BPIFB6: variants seen among roughly 807,000 people sequenced by gnomAD.
BPIFB6 encodes BPI fold containing family B member 6.
A neutral mutation model predicts 54.7 loss-of-function variants in BPIFB6; 47 were observed. The observed-to-expected ratio is 0.86, with a 90% CI of 0.68 to 1.10. BPIFB6 has a LOEUF of 1.10. Ranked by LOEUF, BPIFB6 falls within the 50% of genes least tolerant of loss-of-function variation. The pLI is 0.00. For synonymous variants in BPIFB6, 255 were observed against 225.9 expected (o/e 1.13, Z -1.16); for missense variants, 603 against 564.1 (o/e 1.07, Z -0.70).
At position 33,041,980 on chromosome 20, in the gene BPIFB6, T is replaced by C; in HGVS notation, c.1153T>C (p.Leu385=). The C allele has an allele frequency of 6.2e-7, 1 of 1,614,178 alleles. No homozygotes were observed. The highest frequency in any genetic ancestry group is 8.5e-7 in the Non-Finnish European group (1 of 1,180,024). Residue 385 remains leucine (L), a synonymous_variant, in exon 12 of 15, where the codon TTG becomes CTG. Coordinates refer to ENST00000349552, the MANE Select transcript of BPIFB6 (RefSeq NM_174897.2). ...MATSLDRLLS[L]SRKSSSIGNF... is the part of the protein sequence containing the mutation. Reference sequence around the variant, plus strand: ...CCCACTCCCCCACAGATTACTGAGCTTGTCCCGGAAGTCCTCATCGATTGG... The same window carrying C: ...CCCACTCCCCCACAGATTACTGAGCCTGTCCCGGAAGTCCTCATCGATTGG...
chr20:33,032,069 C>T (rs1022328434), intron 1 of BPIFB6, among the ~76,000 whole-genome samples: 1 of 152,198 alleles, frequency 6.6e-6, no homozygotes, highest in African/African-American at 2.4e-5. Context: ...ATCCCAGCAA[C>T]AACTTGCTGT....
chr20:33,038,432 C>A (rs1201322177), intron 8 of BPIFB6, among the ~76,000 whole-genome samples: 1 of 152,136 alleles, frequency 6.6e-6, no homozygotes, highest in Non-Finnish European at 1.5e-5. Flanking sequence ...CCCATCCACT[C>A]ATCCTCCTAT....
chr20:33,042,309 T>C (rs143534522), intron 12 of BPIFB6, among the ~76,000 whole-genome samples: 54 of 152,348 alleles, frequency 3.5e-4, no homozygotes, highest in African/African-American at 1.3e-3. Context: ...TTATTTTTAT[T>C]AGTCTCTGTA....
chr20:33,038,307 T>C (rs1979432396), intron 8 of BPIFB6, among the ~76,000 whole-genome samples: 1 of 152,124 alleles, frequency 6.6e-6, no homozygotes, highest in African/African-American at 2.4e-5. Flanking sequence ...GATCTATCCA[T>C]TCATCTTCCC....
In BPIFB6 at chr20:33,032,588, C is replaced by A. The variant is rs147583363; in HGVS notation, c.98-396C>A. Among the ~76,000 whole-genome samples, 1,459 of 152,302 alleles carry A rather than the reference C, an allele frequency of 9.6e-3. 14 individuals are homozygous for A. The highest frequency in any genetic ancestry group is 0.013 in the Non-Finnish European group (893 of 68,020). On this transcript the variant is annotated intron_variant, in intron 1 of 14. Transcript: ENST00000349552. ...TGTCGTGTCTGTCCTCACCCTCCAGCCATGCTGAATCTATCCTCTTCCCCC... is the reference window on the plus strand; with the variant it reads ...TGTCGTGTCTGTCCTCACCCTCCAGACATGCTGAATCTATCCTCTTCCCCC...
At position 33,042,866 on chromosome 20, in the gene BPIFB6, C is replaced by T. The variant is rs1415697016; in HGVS notation, c.1240C>T (p.Pro414Ser). The T allele has an allele frequency of 6.2e-7, 1 of 1,614,068 alleles. No individual in the cohort carries two copies. Among genetic ancestry groups the T allele is most frequent in the South Asian group, 1.1e-5 (1 of 91,076 alleles). The change falls in exon 13 of 15, where the codon CCA (proline) becomes TCA (serine). Residue 414 changes from proline to serine, a missense_variant. By Grantham distance (74) the Pro-to-Ser change is moderately conservative. Transcript: ENST00000349552. ...ITSYLEEAYI[P>S]VVNDVLQVGL... ...CAGCTATCTCGAAGAAGCCTACATCCCAGTTGTCAATGGTGAGGGTTCCAA... is the reference window on the plus strand; with the variant it reads ...CAGCTATCTCGAAGAAGCCTACATCTCAGTTGTCAATGGTGAGGGTTCCAA...
At chr20:33,037,797 CT>C in intron 8 of BPIFB6, 59 bp downstream of exon 8, 2 of 1,561,370 alleles carry the variant, frequency 1.3e-6, no homozygotes. Flanking sequence ...CAGTCCCTGC[CT>C]AGTTTTTCTA....
rs73256634 is a variant in BPIFB6 at position 33,036,997 on chromosome 20, C to T, written c.669+461C>T. On this transcript the variant is annotated intron_variant, in intron 7 of 14. Coordinates refer to ENST00000349552, the MANE Select transcript of BPIFB6 (RefSeq NM_174897.2). The stretch of plus-strand genomic sequence containing the variant: ...CCCACCACTCTCACCTCACCCTCAC[C>T]CAGTTGTATCCTGCCATTTTGCGGA... Among the ~76,000 whole-genome samples, 825 of 152,226 alleles carry T rather than the reference C, an allele frequency of 5.4e-3. 5 individuals carry two copies. The highest frequency in any genetic ancestry group is 0.019 in the African/African-American group (777 of 41,538).
intron 10 of BPIFB6, 42 bp from the exon 11 acceptor site, chr20:33,040,209 G>A (rs1382752414): frequency 6.3e-7 from 1 of 1,588,016 alleles, no homozygotes; most frequent in Non-Finnish European, 8.6e-7. Context: ...CTGATGGTGG[G>A]GAACCCACTG....
At chr20:33,035,288 A>G in intron 5 of BPIFB6, 144 bp downstream of exon 5, 2 of 830,274 alleles carry the variant, frequency 2.4e-6, no homozygotes, top group South Asian at 1.6e-5. Flanking sequence ...GCTCAGTGGA[A>G]GAAAGTGCCA....
In BPIFB6 at chr20:33,033,088, G is replaced by A; in HGVS notation, c.197+5G>A. On this transcript the variant is annotated splice_donor_5th_base_variant and intron_variant, in intron 2 of 14. Coordinates refer to ENST00000349552, the MANE Select transcript of BPIFB6 (RefSeq NM_174897.2). The stretch of plus-strand genomic sequence containing the variant: ...ACCTATCAAGGGCATCACCAAGTGA[G>A]TAGGGGAGGGGAGCTGGAGGGTGGT... 2 of 1,609,354 alleles carry A rather than the reference G, an allele frequency of 1.2e-6. No homozygotes were observed. The highest frequency in any genetic ancestry group is 1.7e-6 in the Non-Finnish European group (2 of 1,175,710).
chr20:33,039,968 T>A (rs1340334648), intron 10 of BPIFB6, among the ~76,000 whole-genome samples: 1 of 152,194 alleles, frequency 6.6e-6, no homozygotes, highest in Non-Finnish European at 1.5e-5. Flanking sequence ...GGTTCCAGCA[T>A]GTGCAAAGGC....
chr20:33,039,910 CAG>C (rs936320262), intron 10 of BPIFB6, among the ~76,000 whole-genome samples: 4 of 152,274 alleles, frequency 2.6e-5, no homozygotes, highest in South Asian at 4.2e-4. Context: ...GGGTTGGGGA[CAG>C]AGAGTCTTAC....
intron 14 of BPIFB6, among the ~76,000 whole-genome samples, chr20:33,043,759 G>C (rs1310071666): frequency 6.6e-6 from 1 of 152,142 alleles, no homozygotes; most frequent in African/African-American, 2.4e-5. Flanking sequence ...TTTGAGCTTC[G>C]AGTGGTAAAT....
intron 2 of BPIFB6, chr20:33,033,646 C>A (rs1979198722): frequency 2.2e-6 from 1 of 456,834 alleles, no homozygotes; most frequent in African/African-American, 2.0e-5. Flanking sequence ...TACCCTGGAT[C>A]TCAACTGGTG....
rs201153947 is a variant in BPIFB6, at chr20:33,039,460, G to A, written c.1014G>A (p.Leu338=). Residue 338 remains leucine (L), a synonymous_variant, in exon 10 of 15, where the codon CTG becomes CTA. Coordinates refer to ENST00000349552, the MANE Select transcript of BPIFB6 (RefSeq NM_174897.2). The part of the protein sequence containing the change: ...GKSLLHLHST[L]EMFAARWRSK... ...GCCTGCTGCACCTCCACAGCACCCTGGAGATGTTCGCAGCTCGGTGGCGGA... is the reference window on the plus strand; with the variant it reads ...GCCTGCTGCACCTCCACAGCACCCTAGAGATGTTCGCAGCTCGGTGGCGGA... 4.9e-5 allele frequency: 79 copies of A among 1,614,052 alleles called. No homozygotes were observed. The highest frequency in any genetic ancestry group is 9.3e-6 in the Non-Finnish European group (11 of 1,180,018).
At chr20:33,035,696 T>G in intron 6 of BPIFB6, 24 bp downstream of exon 6, 2 of 1,607,566 alleles carry the variant, frequency 1.2e-6, no homozygotes, top group Non-Finnish European at 8.5e-7. Flanking sequence ...TACCCACACC[T>G]TGCCCCTACC....
At position 33,036,513 on chromosome 20, in the gene BPIFB6, A is replaced by G; in HGVS notation, c.646A>G (p.Ser216Gly). The change falls in exon 7 of 15, where the codon AGC (serine) becomes GGC (glycine). Residue 216 changes from serine (S) to glycine (G), a missense_variant. Ser to Gly is a moderately conservative substitution (Grantham distance 56). Transcript: ENST00000349552. The stretch of plus-strand genomic sequence containing the variant: ...GATGTCCGCACCAGCCACCACAGCC[A>G]GCTACATCCAACTGGACTTCAGTGT... Reference protein sequence around the residue: ...VLMSAPATTASYIQLDFSPVV... With the variant: ...VLMSAPATTAGYIQLDFSPVV... 3 of 1,614,220 alleles carry G rather than the reference A, an allele frequency of 1.9e-6. No homozygotes were observed. The highest frequency in any genetic ancestry group is 2.5e-6 in the Non-Finnish European group (3 of 1,180,012).
intron 8 of BPIFB6, 123 bp downstream of exon 8, chr20:33,037,861 AC>A: frequency 9.1e-7 from 1 of 1,096,560 alleles, no homozygotes; most frequent in South Asian, 1.4e-5. Flanking sequence ...AAGATGCAGG[AC>A]CGATTTGAGT....
Sources: allele counts gnomAD v4.1 joint callset (sites outside exome capture counted in the v4.1 genomes callset), GRCh38; gene constraint gnomAD v4.1.1; transcripts MANE v1.5; gene names NCBI Gene and HGNC (gene_info 2026-07-23, HGNC 2026-07-21).